ESYT3: variants seen among roughly 807,000 people sequenced by gnomAD.
ESYT3 encodes extended synaptotagmin 3.
Under a neutral mutation model 111.5 loss-of-function variants are expected in ESYT3, and 101 were observed. The observed-to-expected ratio is 0.91, with a 90% CI of 0.77 to 1.07. The LOEUF (loss-of-function observed/expected upper bound fraction) is 1.07, where lower values mean the gene tolerates loss of function less well. ESYT3 is among the 50% of genes least tolerant of loss of function. ESYT3 has a pLI of 0.00. For synonymous variants in ESYT3, 416 were observed against 446.8 expected, an observed-to-expected ratio of 0.93 and a Z score of 0.87; for missense variants, 1,097 against 1,109.4, an observed-to-expected ratio of 0.99 and a Z score of 0.16.
chr3:138,473,667 G>C (rs772594397), intron 19 of ESYT3, 33 bp downstream of exon 19: 2 of 1,572,516 alleles, frequency 1.3e-6, no homozygotes, highest in Non-Finnish European at 1.7e-6. Flanking sequence ...GAGGTCCTTT[G>C]GGAGCATCAG....
At chr3:138,444,891 A>C (rs990574454) in intron 1 of ESYT3, among the ~76,000 whole-genome samples, 1 of 152,158 alleles carries the variant, frequency 6.6e-6, no homozygotes, top group East Asian at 1.9e-4. Flanking sequence ...TGACTTTCAA[A>C]CTTAGTCAGG....
At chr3:138,447,715 A>C (rs2031635890) in intron 1 of ESYT3, among the ~76,000 whole-genome samples, 1 of 152,234 alleles carries the variant, frequency 6.6e-6, no homozygotes, top group Non-Finnish European at 1.5e-5. Context: ...ACTCTAACAA[A>C]AAATATACAG....
chr3:138,471,048 G>A (rs1023583211), intron 17 of ESYT3, 22 bp downstream of exon 17: 4 of 1,599,634 alleles, frequency 2.5e-6, no homozygotes, highest in Non-Finnish European at 3.4e-6. Context: ...CGGTCCCCTG[G>A]GGGAGGGGAG....
At chr3:138,459,085 T>A in intron 4 of ESYT3, 102 bp from the exon 5 acceptor site, 1 of 901,780 alleles carries the variant, frequency 1.1e-6, no homozygotes, top group Admixed American at 2.4e-5. Flanking sequence ...GGCAACTGGC[T>A]GCCTGGGCTC....
At chr3:138,443,692 TTG>T (rs566853954) in intron 1 of ESYT3, among the ~76,000 whole-genome samples, 5 of 151,596 alleles carry the variant, frequency 3.3e-5, no homozygotes, top group South Asian at 4.2e-4. Context: ...TCTGTTTAGT[TTG>T]TGTGTGTCTG....
intron 16 of ESYT3, 28 bp downstream of exon 16, chr3:138,470,174 A>G (rs1413177252): frequency 6.2e-7 from 1 of 1,606,270 alleles, no homozygotes; most frequent in Non-Finnish European, 8.5e-7. Flanking sequence ...CTCTTGAAAC[A>G]GAGTTAAGAG....
chr3:138,469,444 C>T lies in ESYT3; in HGVS notation c.1443C>T (p.Val481=). ...GATTTGATTCCTCACAGAACAAGGT[C>T]AGCAAAGACCCTTCTTCCTATGTCA... ...KKLSRFARNK[V]SKDPSSYVKL... The change falls in exon 15 of 23, where the codon GTC becomes GTT. Residue 481 remains valine (V), a synonymous_variant. Coordinates refer to ENST00000389567, the MANE Select transcript of ESYT3 (RefSeq NM_031913.5). 3 of 1,613,846 alleles carry T rather than the reference C, an allele frequency of 1.9e-6. No homozygotes were observed. The highest frequency in any genetic ancestry group is 2.2e-5 in the South Asian group (2 of 91,052).
In ESYT3 at chr3:138,435,956, G is replaced by T. The variant is rs2030647775; in HGVS notation, c.327+831G>T. Among the ~76,000 whole-genome samples the T allele has an allele frequency of 6.6e-6, 1 of 152,140 alleles. No individual in the cohort carries two copies. Among genetic ancestry groups the T allele is most frequent in the Non-Finnish European group, 1.5e-5 (1 of 68,028 alleles). On this transcript the variant is annotated intron_variant, in intron 1 of 22. Coordinates refer to ENST00000389567, the MANE Select transcript of ESYT3 (RefSeq NM_031913.5). The surrounding 1 kb of genome is among the most constrained non-coding windows in gnomAD (Gnocchi z 4.8). The stretch of plus-strand genomic sequence containing the variant: ...GGCAAACCCTTACTGTCTCTCCGGT[G>T]CTGGGGCTCTTCGTTTTCAGATTTC...
intron 6 of ESYT3, 138 bp from the exon 7 acceptor site, chr3:138,460,473 C>A: frequency 1.1e-6 from 1 of 906,566 alleles, no homozygotes; most frequent in East Asian, 2.5e-5. Flanking sequence ...GCAGAGGGTG[C>A]TCTGCCTGCT....
intron 18 of ESYT3, chr3:138,473,301 T>G (rs2033327086): frequency 1.5e-6 from 1 of 662,044 alleles, no homozygotes; most frequent in Non-Finnish European, 2.3e-6. Context: ...CCAAAAGGAA[T>G]CATGATACAA....
chr3:138,468,271 G>C, intron 12 of ESYT3, 77 bp downstream of exon 12: 1 of 1,392,228 alleles, frequency 7.2e-7, no homozygotes, highest in Non-Finnish European at 1.0e-6. Context: ...GGTGGAGGAA[G>C]GGTGGGAGAT....
intron 8 of ESYT3, among the ~76,000 whole-genome samples, chr3:138,462,986 A>G (rs1051274445): frequency 6.6e-6 from 1 of 152,180 alleles, no homozygotes; most frequent in Admixed American, 6.5e-5. Context: ...ATGAACAAAT[A>G]CATATATATG....
At chr3:138,480,595 C>T (rs189520218), downstream of ESYT3, 1 of 150,906 alleles carries the variant, frequency 6.6e-6, no homozygotes, top group Non-Finnish European at 1.5e-5. Flanking sequence ...ATAAAAATAT[C>T]AATCTATATG....
Position 138,468,188 on chromosome 3 carries a change from G to T in ESYT3, c.1302G>T (p.Leu434=). The T allele has an allele frequency of 6.2e-7, 1 of 1,614,046 alleles. No individual in the cohort carries two copies. The highest frequency in any genetic ancestry group is 1.1e-5 in the South Asian group (1 of 91,058). The change falls in exon 12 of 23, where the codon CTG becomes CTT. Residue 434 remains leucine, a synonymous_variant. Transcript: ENST00000389567. ...CATTGCTTACTGACCAAGAAGTTCT[G>T]ACTGAGGTGAGTGTGGGGTGTCAAG... is the stretch of plus-strand genomic sequence containing the variant. ...WLSLLTDQEV[L]TEDHGGLSTA...
intron 4 of ESYT3, 97 bp from the exon 5 acceptor site, chr3:138,459,090 G>A (rs896421126): frequency 3.1e-6 from 3 of 960,616 alleles, no homozygotes; most frequent in African/African-American, 3.3e-5. Flanking sequence ...CTGGCTGCCT[G>A]GGCTCCGGCT....
At chr3:138,475,335 A>ATTTGAC (rs961156937) in intron 20 of ESYT3, among the ~76,000 whole-genome samples, 1 of 152,184 alleles carries the variant, frequency 6.6e-6, no homozygotes, top group Non-Finnish European at 1.5e-5. Flanking sequence ...GAGGTTTAAC[A>ATTTGAC]TTTGACTTTG....
chr3:138,454,308 C>T (rs574149287), intron 2 of ESYT3, among the ~76,000 whole-genome samples: 11 of 151,910 alleles, frequency 7.2e-5, no homozygotes, highest in African/African-American at 2.2e-4. Flanking sequence ...GAGGCCAAGG[C>T]GGACAGATCA....
intron 1 of ESYT3, among the ~76,000 whole-genome samples, chr3:138,438,693 T>C (rs1051670600): frequency 3.9e-5 from 6 of 152,144 alleles, no homozygotes; most frequent in African/African-American, 1.4e-4. Context: ...AAAAGGAGGT[T>C]GTATTGGATG....
At chr3:138,480,382 G>C (rs545189235), downstream of ESYT3, 1 of 139,648 alleles carries the variant, frequency 7.2e-6, no homozygotes, top group Non-Finnish European at 1.5e-5. Context: ...TGCCACTTCT[G>C]TTCAACAATG....
Sources: gnomAD v4.1 joint callset for allele counts (sites outside exome capture counted in the v4.1 genomes callset) on GRCh38, gnomAD v4.1.1 for gene constraint, Gnocchi (gnomAD v3.1) non-coding constraint, MANE v1.5 for transcripts, NCBI Gene and HGNC (gene_info 2026-07-23, HGNC 2026-07-21) for gene names.